Variants in FAAH2 observed in about 807,000 individuals in gnomAD.
FAAH2 encodes fatty-acid amide hydrolase 2.
Under a neutral mutation model 36.9 loss-of-function variants are expected in FAAH2, and 60 were observed. That is an observed-to-expected ratio of 1.63 (90% confidence interval 1.32 to 2.02). The LOEUF is 2.02. Ranked by LOEUF, FAAH2 falls within the 30% of genes most tolerant of loss-of-function variation. The probability of loss-of-function intolerance (pLI) is 0.00; values close to 1 mark genes in which losing one functional copy is unlikely to be tolerated. For missense variants in FAAH2, 689 were observed against 397.5 expected (o/e 1.73, Z -6.23); for synonymous variants, 214 against 143.8 (o/e 1.49, Z -3.49).
intron 7 of FAAH2, among the ~76,000 whole-genome samples, chrX:57,383,335 G>A (rs905763769): frequency 1.8e-5 from 2 of 111,820 alleles, no homozygotes; most frequent in African/African-American, 3.3e-5. Flanking sequence ...GGGAAATCAG[G>A]CAGCAGAAGG....
chrX:57,361,111 G>A (rs1436663970), intron 5 of FAAH2, among the ~76,000 whole-genome samples: 1 of 111,481 alleles, frequency 9.0e-6, no homozygotes, highest in Non-Finnish European at 1.9e-5. Flanking sequence ...AATTTGAGTA[G>A]AATTATAATT....
the FAAH2 span, among the ~76,000 whole-genome samples, chrX:57,155,478 C>T: frequency 2.7e-4 from 30 of 111,857 alleles, no homozygotes; most frequent in East Asian, 7.4e-3. Context: ...CCAGCTCCCA[C>T]GCAACCAAAA....
At chrX:57,436,333 G>A (rs1173114893) in intron 8 of FAAH2, among the ~76,000 whole-genome samples, 1 of 108,754 alleles carries the variant, frequency 9.2e-6, no homozygotes, top group Non-Finnish European at 1.9e-5. Context: ...AAACTAAACC[G>A]AAAAGTGGCA....
At chrX:57,333,093 C>A (rs2147010878) in intron 4 of FAAH2, among the ~76,000 whole-genome samples, 1 of 111,128 alleles carries the variant, frequency 9.0e-6, no homozygotes, top group Non-Finnish European at 1.9e-5. Flanking sequence ...CACACCTTAT[C>A]ACTACACAAA....
intron 10 of FAAH2, among the ~76,000 whole-genome samples, chrX:57,478,405 G>A (rs1164249360): frequency 9.0e-6 from 1 of 111,377 alleles, no homozygotes; most frequent in Non-Finnish European, 1.9e-5. Context: ...TGTCAGATGA[G>A]TAGGTTGTGA....
chrX:57,441,169 C>T (rs1275869905), intron 8 of FAAH2, among the ~76,000 whole-genome samples: 2 of 111,705 alleles, frequency 1.8e-5, no homozygotes, highest in East Asian at 5.6e-4. Flanking sequence ...GGAATAGTTT[C>T]AGAGGGAATG....
intron 3 of FAAH2, among the ~76,000 whole-genome samples, chrX:57,321,521 T>G (rs1308302251): frequency 9.1e-6 from 1 of 110,294 alleles, no homozygotes; most frequent in African/African-American, 3.3e-5. Flanking sequence ...AATTGAAAAC[T>G]ATTTTTCAAT....
chrX:57,383,724 A>G (rs768744992), intron 7 of FAAH2, among the ~76,000 whole-genome samples: 3 of 112,104 alleles, frequency 2.7e-5, no homozygotes, highest in Admixed American at 1.9e-4. Context: ...GGAAAAATCA[A>G]TATCATGAAA....
intron 4 of FAAH2, among the ~76,000 whole-genome samples, chrX:57,334,266 T>TCACACACACACACACACA (rs1491098492): frequency 2.5e-4 from 2 of 8,145 alleles, no homozygotes; most frequent in South Asian, 0.056. Context: ...GGAGATTCCG[T>TCACACACACACACACACA]CTCACACACA....
intron 5 of FAAH2, among the ~76,000 whole-genome samples, chrX:57,368,036 G>A (rs914687540): frequency 2.7e-5 from 3 of 111,353 alleles, no homozygotes; most frequent in African/African-American, 9.8e-5. Context: ...ATTACACCAT[G>A]CTCATACCTA....
chrX:57,395,182 G>A (rs1008403564), intron 7 of FAAH2: 13 of 534,390 alleles, frequency 2.4e-5, no homozygotes, highest in African/African-American at 1.8e-4. Context: ...CTCAGATTCT[G>A]TGGTTGTTCT....
At chrX:57,385,366 A>T (rs2054991809) in intron 7 of FAAH2, among the ~76,000 whole-genome samples, 1 of 110,850 alleles carries the variant, frequency 9.0e-6, no homozygotes. Flanking sequence ...GTTTTCTGCC[A>T]CCATGAAAAA....
chrX:57,449,263 T>C (rs2147181867), intron 10 of FAAH2, among the ~76,000 whole-genome samples: 1 of 112,253 alleles, frequency 8.9e-6, no homozygotes, highest in East Asian at 2.8e-4. Flanking sequence ...GGTCAGTTTC[T>C]ATGGTTTCTC....
At chrX:57,153,602 T>C in the FAAH2 span, among the ~76,000 whole-genome samples, 1 of 112,225 alleles carries the variant, frequency 8.9e-6, no homozygotes, top group Non-Finnish European at 1.9e-5. Context: ...AAAAACACTG[T>C]GTCTTTTCTT....
the FAAH2 span, among the ~76,000 whole-genome samples, chrX:57,147,344 G>A: frequency 9.0e-6 from 1 of 111,244 alleles, no homozygotes; most frequent in African/African-American, 3.3e-5. Flanking sequence ...TCTAGTTTAT[G>A]CGCAAGTTCA....
intron 10 of FAAH2, among the ~76,000 whole-genome samples, chrX:57,480,097 C>T: frequency 9.0e-6 from 1 of 111,371 alleles, no homozygotes; most frequent in Middle Eastern, 4.6e-3. Flanking sequence ...CAATAACAGG[C>T]TCTGAAATTG....
intron 7 of FAAH2, among the ~76,000 whole-genome samples, chrX:57,418,906 C>T (rs1404204327): frequency 3.3e-5 from 3 of 92,039 alleles, no homozygotes; most frequent in African/African-American, 1.2e-4. Context: ...TGTGATGTTC[C>T]CCTTCCTGTG....
intron 5 of FAAH2, among the ~76,000 whole-genome samples, chrX:57,356,477 C>G (rs1487139172): frequency 9.0e-6 from 1 of 110,787 alleles, no homozygotes; most frequent in African/African-American, 3.3e-5. Context: ...ATGATTCACT[C>G]TTAGTATGTT....
chrX:57,444,427 C>T (rs963525600), intron 8 of FAAH2, among the ~76,000 whole-genome samples: 8 of 112,096 alleles, frequency 7.1e-5, no homozygotes, highest in African/African-American at 2.6e-4. Context: ...GATATGATTT[C>T]CTGGTGTGCC....
Sources: gnomAD v4.1 joint callset for allele counts (sites outside exome capture counted in the v4.1 genomes callset) on GRCh38, gnomAD v4.1.1 for gene constraint, MANE v1.5 for transcripts, NCBI Gene and HGNC (gene_info 2026-07-23, HGNC 2026-07-21) for gene names.